The following COL24A1 variants were observed in gnomAD, a reference collection of about 807,000 sequenced individuals.
COL24A1 encodes the protein collagen alpha-1(XXIV) chain.
Under a neutral mutation model 253.9 loss-of-function variants are expected in COL24A1, and 224 were observed. The ratio of observed to expected loss-of-function variants is 0.88; its 90% confidence interval spans 0.79 to 0.99. COL24A1 has a LOEUF of 0.99. Ranked by LOEUF, COL24A1 falls within the 50% of genes least tolerant of loss-of-function variation. The pLI, the probability that COL24A1 is intolerant of heterozygous loss-of-function variation, is 0.00. For missense variants in COL24A1, 2,131 were observed against 2,068.5 expected, an observed-to-expected ratio of 1.03 and a Z score of -0.59; for synonymous variants, 685 against 673.7, an observed-to-expected ratio of 1.02 and a Z score of -0.26.
At chr1:85,828,183 A>G (rs1570790648) in intron 43 of COL24A1, among the ~76,000 whole-genome samples, 3 of 152,152 alleles carry the variant, frequency 2.0e-5, no homozygotes, top group South Asian at 4.2e-4. Context: ...TTATGTACCC[A>G]GTAGTCATTC....
chr1:86,060,420 CCTT>C (rs1344959309), intron 8 of COL24A1, among the ~76,000 whole-genome samples: 1 of 152,054 alleles, frequency 6.6e-6, no homozygotes, highest in African/African-American at 2.4e-5. Context: ...TGCACTTTGT[CCTT>C]CTGCTCTGAA....
At chr1:85,865,600 T>C (rs1322269495) in intron 37 of COL24A1, among the ~76,000 whole-genome samples, 1 of 152,226 alleles carries the variant, frequency 6.6e-6, no homozygotes, top group East Asian at 1.9e-4. Flanking sequence ...CTCTTTGGGA[T>C]TCCTTGCTGT....
At chr1:86,106,430 A>T (rs746546883) in intron 5 of COL24A1, among the ~76,000 whole-genome samples, 2 of 152,168 alleles carry the variant, frequency 1.3e-5, no homozygotes, top group South Asian at 2.1e-4. Flanking sequence ...AATATAAGAC[A>T]TGAATGTTTG....
intron 52 of COL24A1, 33 bp from the exon 53 acceptor site, chr1:85,775,742 T>A (rs1668476997): frequency 1.9e-6 from 3 of 1,544,100 alleles, no homozygotes; most frequent in Non-Finnish European, 2.7e-6. Context: ...TAGTTCATTG[T>A]TATTGATAGT....
chr1:85,823,097 T>C (rs1045929278), intron 45 of COL24A1, among the ~76,000 whole-genome samples: 2 of 152,204 alleles, frequency 1.3e-5, no homozygotes, highest in African/African-American at 4.8e-5. Context: ...ATACCTATTG[T>C]AATAGTCATG....
chr1:86,112,457 A>G (rs1705709142), intron 5 of COL24A1, 110 bp downstream of exon 5: 1 of 869,194 alleles, frequency 1.2e-6, no homozygotes, highest in East Asian at 2.6e-5. Context: ...GAGGTGACAG[A>G]GATCCTTGAT....
At chr1:86,015,176 T>C (rs532739310) in intron 19 of COL24A1, among the ~76,000 whole-genome samples, 93 of 152,338 alleles carry the variant, frequency 6.1e-4, no homozygotes, top group African/African-American at 2.2e-3. Context: ...ACTATATTTT[T>C]ATGATCAAGA....
At chr1:86,075,044 G>C (rs1170223201) in intron 7 of COL24A1, among the ~76,000 whole-genome samples, 1 of 151,920 alleles carries the variant, frequency 6.6e-6, no homozygotes, top group Non-Finnish European at 1.5e-5. Flanking sequence ...TAAGATCAGA[G>C]AAGAACTGAA....
intron 24 of COL24A1, among the ~76,000 whole-genome samples, chr1:85,916,597 G>C (rs1685922405): frequency 6.6e-6 from 1 of 152,092 alleles, no homozygotes; most frequent in Non-Finnish European, 1.5e-5. Context: ...GAGGTGTGAG[G>C]ATCGCTTGGA....
chr1:85,731,665 A>G (rs1271398077), intron 59 of COL24A1, among the ~76,000 whole-genome samples: 2 of 152,222 alleles, frequency 1.3e-5, no homozygotes, highest in African/African-American at 4.8e-5. Flanking sequence ...GATGAATACA[A>G]TAGTTCTGGC....
intron 19 of COL24A1, among the ~76,000 whole-genome samples, chr1:85,988,099 A>AT (rs1693892273): frequency 2.8e-5 from 2 of 72,058 alleles, no homozygotes; most frequent in South Asian, 4.0e-4. Flanking sequence ...CTTCTGTCTG[A>AT]TAAAAAAAAA....
At chr1:86,121,947 A>T (rs1384996332) in intron 3 of COL24A1, among the ~76,000 whole-genome samples, 1 of 152,144 alleles carries the variant, frequency 6.6e-6, no homozygotes, top group Admixed American at 6.6e-5. Flanking sequence ...GTATATAGGC[A>T]GGAAAAAATT....
intron 8 of COL24A1, among the ~76,000 whole-genome samples, chr1:86,059,982 G>A (rs1018152332): frequency 1.3e-5 from 2 of 152,102 alleles, no homozygotes; most frequent in African/African-American, 4.8e-5. Flanking sequence ...AATTTCTGTT[G>A]TTTATAAGCC....
At chr1:85,815,991 C>CT (rs1673007308) in intron 47 of COL24A1, among the ~76,000 whole-genome samples, 1 of 151,910 alleles carries the variant, frequency 6.6e-6, no homozygotes, top group Admixed American at 6.6e-5. Flanking sequence ...TATTGCATTA[C>CT]TTTTTTCCCA....
intron 12 of COL24A1, among the ~76,000 whole-genome samples, chr1:86,042,565 C>T (rs1265547034): frequency 6.6e-6 from 1 of 151,940 alleles, no homozygotes; most frequent in Non-Finnish European, 1.5e-5. Flanking sequence ...TCTTGAATAA[C>T]CAAAGTAATA....
At chr1:85,948,972 T>C (rs2100559141) in intron 24 of COL24A1, among the ~76,000 whole-genome samples, 1 of 152,308 alleles carries the variant, frequency 6.6e-6, no homozygotes, top group South Asian at 2.1e-4. Context: ...TTTGAGGTTT[T>C]CTGAAACTTT....
intron 3 of COL24A1, among the ~76,000 whole-genome samples, chr1:86,117,561 A>G: frequency 6.6e-6 from 1 of 152,240 alleles, no homozygotes; most frequent in East Asian, 1.9e-4. Flanking sequence ...AAAGAGGTAT[A>G]GTTTATGTCA....
At chr1:85,913,507 T>TCTTA (rs1685574995) in intron 24 of COL24A1, among the ~76,000 whole-genome samples, 1 of 152,044 alleles carries the variant, frequency 6.6e-6, no homozygotes, top group African/African-American at 2.4e-5. Flanking sequence ...GGACTAAAGG[T>TCTTA]CTTAGTTCCA....
intron 43 of COL24A1, among the ~76,000 whole-genome samples, chr1:85,824,104 T>C (rs907790239): frequency 1.3e-5 from 2 of 152,156 alleles, no homozygotes; most frequent in African/African-American, 4.8e-5. Flanking sequence ...GATAAGATTA[T>C]CCTGGATTAT....
Sources: allele counts gnomAD v4.1 joint callset (sites outside exome capture counted in the v4.1 genomes callset), GRCh38; gene constraint gnomAD v4.1.1; transcripts MANE v1.5; gene names NCBI Gene and HGNC (gene_info 2026-07-23, HGNC 2026-07-21).